PRKAR1B: variants seen among roughly 807,000 people sequenced by gnomAD.
PRKAR1B encodes protein kinase cAMP-dependent type I regulatory subunit beta.
Under a neutral mutation model 46.5 loss-of-function variants are expected in PRKAR1B, and 22 were observed. That is an observed-to-expected ratio of 0.47 (90% CI 0.34 to 0.68). The LOEUF (loss-of-function observed/expected upper bound fraction) is 0.68, where lower values mean the gene tolerates loss of function less well. PRKAR1B is among the 30% of genes least tolerant of loss of function. The pLI, the probability that PRKAR1B is intolerant of heterozygous loss-of-function variation, is 0.01. For synonymous variants in PRKAR1B, 259 were observed against 217.7 expected (o/e 1.19, Z -1.67); for missense variants, 445 against 535.6 (o/e 0.83, Z 1.67).
chr7:625,354 C>G (rs929393192), intron 4 of PRKAR1B, among the ~76,000 whole-genome samples: 2 of 151,974 alleles, frequency 1.3e-5, no homozygotes, highest in African/African-American at 4.8e-5. Context: ...GAAACTACAA[C>G]AAGAAGAGGA....
intron 4 of PRKAR1B, among the ~76,000 whole-genome samples, chr7:628,818 CCCACCCCCAAG>C (rs879889432): frequency 0.58 from 88,189 of 151,170 alleles, 26,724 homozygotes; most frequent in South Asian, 0.81. Context: ...AAATTCCTCG[CCCACCCCCAAG>C]TCAGGCTCAA....
chr7:563,296 T>C (rs1442754806), intron 9 of PRKAR1B, among the ~76,000 whole-genome samples: 2 of 152,226 alleles, frequency 1.3e-5, no homozygotes, highest in Non-Finnish European at 2.9e-5. Flanking sequence ...CTCCACGGGA[T>C]ACCCCAGTTT....
At position 560,898 on chromosome 7, in the gene PRKAR1B, G is replaced by A. The variant is rs1197968573; in HGVS notation, c.892-9428C>T. Among the ~76,000 whole-genome samples, 4 of 152,168 alleles carry A rather than the reference G, an allele frequency of 2.6e-5. No individual in the cohort carries two copies. Among genetic ancestry groups the A allele is most frequent in the Admixed American group, 2.6e-4 (4 of 15,280 alleles). On this transcript the variant is annotated intron_variant, in intron 9 of 10. Coordinates refer to ENST00000537384, the MANE Select transcript of PRKAR1B (RefSeq NM_001164760.2). The surrounding 1 kb of genome is among the most constrained non-coding windows in gnomAD (Gnocchi z 4.2). Reference sequence around the variant, plus strand: ...GCCACGACACGTTCCTCCCTCCAGTGAGACTCCTCAGAGCCTGGAAAATTC... The same window carrying A: ...GCCACGACACGTTCCTCCCTCCAGTAAGACTCCTCAGAGCCTGGAAAATTC...
At chr7:591,069 G>A (rs935968001) in intron 7 of PRKAR1B, among the ~76,000 whole-genome samples, 9 of 152,392 alleles carry the variant, frequency 5.9e-5, no homozygotes, top group Non-Finnish European at 8.8e-5. Flanking sequence ...ACGCCCAGCC[G>A]GAGGAATGCA....
At position 583,521 on chromosome 7, in the gene PRKAR1B, G is replaced by A. The variant is rs1425437082; in HGVS notation, c.769+987C>T. 1.5e-4 allele frequency among the ~76,000 whole-genome samples: 21 copies of A among 135,740 alleles called. 1 individual carries two copies. Among genetic ancestry groups the A allele is most frequent in the African/African-American group, 2.0e-4 (7 of 34,654 alleles). The allele number at this position is 135,740 out of a possible 152,430, so 89.1% of individuals were successfully genotyped here. A position where few individuals can be genotyped will look rare whatever the true frequency, so the allele number is the denominator to read the frequency against. On this transcript the variant is annotated intron_variant, in intron 8 of 10. Coordinates refer to ENST00000537384, the MANE Select transcript of PRKAR1B (RefSeq NM_001164760.2). The stretch of plus-strand genomic sequence containing the variant: ...CACACCCATACACACCCACACACGC[G>A]TGCACACACCCACTCACACACGTGC...
intron 8 of PRKAR1B, among the ~76,000 whole-genome samples, chr7:580,404 A>AT (rs200022433): frequency 0.2 from 30,134 of 151,638 alleles, 3,263 homozygotes; most frequent in Non-Finnish European, 0.22. Flanking sequence ...AATACAAAAA[A>AT]AATAATAATA....
chr7:627,697 C>A (rs989927398), intron 4 of PRKAR1B, among the ~76,000 whole-genome samples: 1 of 152,054 alleles, frequency 6.6e-6, no homozygotes, highest in African/African-American at 2.4e-5. Flanking sequence ...GGGGCTCGGG[C>A]GCTCTCCATC....
chr7:580,240 A>G (rs1419374859), intron 8 of PRKAR1B, among the ~76,000 whole-genome samples: 4 of 151,432 alleles, frequency 2.6e-5, no homozygotes, highest in Admixed American at 6.6e-5. Context: ...CAAAAAAAAA[A>G]AAAAAAGAAA....
chr7:701,335 GA>G (rs1255866874), intron 2 of PRKAR1B, among the ~76,000 whole-genome samples: 5 of 149,170 alleles, frequency 3.4e-5, no homozygotes, highest in Non-Finnish European at 7.5e-5. Context: ...GAGAAGAAAA[GA>G]AAAGAAAAAG....
chr7:631,166 G>T (rs1303098919), intron 4 of PRKAR1B, among the ~76,000 whole-genome samples: 1 of 152,108 alleles, frequency 6.6e-6, no homozygotes, highest in African/African-American at 2.4e-5. Flanking sequence ...GGCCAAGCTG[G>T]TCTCAAACTC....
intron 4 of PRKAR1B, among the ~76,000 whole-genome samples, chr7:663,230 CTTAT>C (rs1785713104): frequency 1.3e-5 from 2 of 152,098 alleles, no homozygotes; most frequent in Non-Finnish European, 2.9e-5. Context: ...TTTATTTTTA[CTTAT>C]TTTTCTTTTT....
chr7:575,483 G>C (rs535221840), intron 9 of PRKAR1B, among the ~76,000 whole-genome samples: 1 of 152,188 alleles, frequency 6.6e-6, no homozygotes, highest in Non-Finnish European at 1.5e-5. Context: ...AGGGGAGGGG[G>C]TTAGACTCCC....
intron 9 of PRKAR1B, among the ~76,000 whole-genome samples, chr7:554,065 G>C (rs868680317): frequency 6.6e-6 from 1 of 152,270 alleles, no homozygotes; most frequent in Non-Finnish European, 1.5e-5. Flanking sequence ...ACAGCTCCCA[G>C]CTCTCCTCCC....
intron 9 of PRKAR1B, among the ~76,000 whole-genome samples, chr7:565,851 T>C (rs531415222): frequency 4.5e-4 from 68 of 152,274 alleles, no homozygotes; most frequent in African/African-American, 1.6e-3. Context: ...GTTTCCCCAC[T>C]GTAAAATAAT....
chr7:638,671 G>C (rs1255512495), intron 4 of PRKAR1B, among the ~76,000 whole-genome samples: 1 of 152,236 alleles, frequency 6.6e-6, no homozygotes, highest in Non-Finnish European at 1.5e-5. Context: ...ATACTGCTGA[G>C]AAGTTAAAGA....
At chr7:552,441 A>G (rs374808716) in intron 9 of PRKAR1B, among the ~76,000 whole-genome samples, 10 of 43,440 alleles carry the variant, frequency 2.3e-4, no homozygotes, top group Middle Eastern at 0.017. Flanking sequence ...CCTCCCACCC[A>G]GGTCCTTCCC....
intron 4 of PRKAR1B, among the ~76,000 whole-genome samples, chr7:628,886 A>AC: frequency 7.8e-6 from 1 of 128,138 alleles, no homozygotes; most frequent in East Asian, 2.5e-4. Context: ...AGGCTCAAGG[A>AC]CCCCTCAGGG....
intron 1 of PRKAR1B, among the ~76,000 whole-genome samples, chr7:715,433 G>A (rs1339942996): frequency 4.6e-5 from 7 of 152,184 alleles, no homozygotes; most frequent in Admixed American, 1.3e-4. Context: ...CCTGCCACAC[G>A]GTGACAAACC....
intron 4 of PRKAR1B, among the ~76,000 whole-genome samples, chr7:643,226 T>G (rs368628010): frequency 6.6e-5 from 10 of 151,718 alleles, no homozygotes; most frequent in South Asian, 4.2e-4. Flanking sequence ...TGCATTGGCA[T>G]GACAATTTAC....
Sources: allele counts gnomAD v4.1 joint callset (sites outside exome capture counted in the v4.1 genomes callset), GRCh38; gene constraint gnomAD v4.1.1; non-coding constraint Gnocchi (gnomAD v3.1); transcripts MANE v1.5; gene names NCBI Gene and HGNC (gene_info 2026-07-23, HGNC 2026-07-21).